NRG3: variants seen among roughly 807,000 people sequenced by gnomAD.
NRG3 encodes pro-neuregulin-3, membrane-bound isoform.
NRG3 carries 31 observed loss-of-function variants against 66.9 expected under a neutral mutation model. That is an observed-to-expected ratio of 0.46 (90% confidence interval 0.35 to 0.63). NRG3 has a LOEUF of 0.63. NRG3 is among the 20% of genes least tolerant of loss of function. The pLI, the probability that NRG3 is intolerant of heterozygous loss-of-function variation, is 0.00. For synonymous variants in NRG3, 393 were observed against 359.4 expected (o/e 1.09, Z -1.06); for missense variants, 910 against 878.9 (o/e 1.04, Z -0.45).
chr10:82,135,147 GA>G (rs974155511), intron 1 of NRG3, among the ~76,000 whole-genome samples: 54 of 150,868 alleles, frequency 3.6e-4, no homozygotes, highest in African/African-American at 1.2e-3. Flanking sequence ...AATTCCATAT[GA>G]AATTAAAAAT....
intron 2 of NRG3, among the ~76,000 whole-genome samples, chr10:82,439,319 T>C (rs2090313489): frequency 6.6e-6 from 1 of 152,150 alleles, no homozygotes; most frequent in African/African-American, 2.4e-5. Flanking sequence ...GAGCACAGGA[T>C]ATTCTCTGTT....
chr10:81,910,019 A>G (rs531949605), intron 1 of NRG3, among the ~76,000 whole-genome samples: 1 of 152,320 alleles, frequency 6.6e-6, no homozygotes, highest in South Asian at 2.1e-4. Context: ...TTGCACACTA[A>G]AAAAGCCCCT....
chr10:82,185,965 G>A (rs2073778563), intron 1 of NRG3, among the ~76,000 whole-genome samples: 2 of 152,088 alleles, frequency 1.3e-5, no homozygotes, highest in South Asian at 2.1e-4. Context: ...GAATAGGTAC[G>A]TTTCCTCACA....
chr10:82,733,881 A>G (rs1483427597), intron 2 of NRG3, among the ~76,000 whole-genome samples: 1 of 152,248 alleles, frequency 6.6e-6, no homozygotes, highest in Non-Finnish European at 1.5e-5. Context: ...GCTGAAAGAC[A>G]CTGGCAGATG....
intron 2 of NRG3, among the ~76,000 whole-genome samples, chr10:82,660,554 AG>A (rs1191842090): frequency 1.3e-5 from 2 of 152,220 alleles, no homozygotes; most frequent in African/African-American, 4.8e-5. Context: ...GCTAATAGCC[AG>A]ATAATTGCAG....
rs373875622 is a variant in NRG3 at position 82,231,059 on chromosome 10, T to C, written c.824-127680T>C. Among the ~76,000 whole-genome samples, 167 of 152,224 alleles carry C rather than the reference T, an allele frequency of 1.1e-3. 1 individual carries two copies. The highest frequency in any genetic ancestry group is 3.4e-3 in the Middle Eastern group (1 of 294). On this transcript the variant is annotated intron_variant, in intron 1 of 8. Transcript: ENST00000372141. ...GAAATGTAGGATTATAAATATTATATTGGCCAGGCACAGTGGCTCATGCCT... is the reference window on the plus strand; with the variant it reads ...GAAATGTAGGATTATAAATATTATACTGGCCAGGCACAGTGGCTCATGCCT...
rs73307834 is a variant in NRG3, at chr10:82,490,323, G to T, written c.953+131455G>T. On this transcript the variant is annotated intron_variant, in intron 2 of 8. Coordinates refer to ENST00000372141, the MANE Select transcript of NRG3 (RefSeq NM_001010848.4). ...TCTCATGCTCATACAGAAGTCATCC[G>T]GATCCCATACTGCTCAATCGATGAC... Among the ~76,000 whole-genome samples the T allele has an allele frequency of 4.4e-3, 666 of 152,140 alleles. 5 individuals are homozygous for T. The highest frequency in any genetic ancestry group is 0.015 in the African/African-American group (643 of 41,534).
chr10:82,204,451 T>C (rs2075013988), intron 1 of NRG3, among the ~76,000 whole-genome samples: 1 of 152,202 alleles, frequency 6.6e-6, no homozygotes, highest in South Asian at 2.1e-4. Flanking sequence ...GGACAACCAC[T>C]GTATATGACT....
chr10:82,289,713 G>A (rs76234563), intron 1 of NRG3, among the ~76,000 whole-genome samples: 2,148 of 152,252 alleles, frequency 0.014, 38 homozygotes, highest in South Asian at 0.05. Context: ...ATGTGGGAAT[G>A]CCAAATGAAA....
chr10:82,730,058 T>A (rs1323684015), intron 2 of NRG3, among the ~76,000 whole-genome samples: 1 of 151,496 alleles, frequency 6.6e-6, no homozygotes, highest in East Asian at 1.9e-4. Flanking sequence ...AAAGGGAAAA[T>A]CCCTACATTT....
rs890128157 is a variant in NRG3, at chr10:82,659,338, A to AT, written c.954-79230dup. 9.8e-4 allele frequency among the ~76,000 whole-genome samples: 149 copies of AT among 151,908 alleles called. 3 individuals carry two copies. The highest frequency in any genetic ancestry group is 7.0e-3 in the Admixed American group (107 of 15,238). On this transcript the variant is annotated intron_variant, in intron 2 of 8. Coordinates refer to ENST00000372141, the MANE Select transcript of NRG3 (RefSeq NM_001010848.4). ...TTATAGTAGTATAGCTGTCTCTGCA[A>AT]TTTTTTTTTAAACTTTTACACACAT...
intron 1 of NRG3, among the ~76,000 whole-genome samples, chr10:81,955,248 A>G (rs561223117): frequency 2.6e-5 from 4 of 151,272 alleles, no homozygotes; most frequent in East Asian, 1.9e-4. Context: ...TGTTCAAGCA[A>G]TTGTGGAAGC....
chr10:82,550,105 C>G (rs1343524676), intron 2 of NRG3, among the ~76,000 whole-genome samples: 2 of 152,160 alleles, frequency 1.3e-5, no homozygotes, highest in African/African-American at 4.8e-5. Context: ...TGTGAGTTTC[C>G]TCTAGTTCAA....
chr10:82,474,951 G>C (rs991431325), intron 2 of NRG3, among the ~76,000 whole-genome samples: 1 of 151,692 alleles, frequency 6.6e-6, no homozygotes. Context: ...AGGCCAGAGG[G>C]CAGCGGGATG....
chr10:82,011,288 G>T (rs1221004489), intron 1 of NRG3, among the ~76,000 whole-genome samples: 3 of 152,146 alleles, frequency 2.0e-5, no homozygotes, highest in Non-Finnish European at 4.4e-5. Context: ...CACATCTCAT[G>T]AGACTTATTC....
chr10:82,726,071 G>A lies in NRG3; in HGVS notation c.954-12506G>A, dbSNP rs530356143. 7.2e-5 allele frequency among the ~76,000 whole-genome samples: 11 copies of A among 152,240 alleles called. No homozygotes were observed. In the East Asian group the frequency reaches 2.1e-3, roughly 30 times the overall value. ...CTCTTAGGTGAGGACTCAGCAAGAA[G>A]GTGGGGTCTGCAACCCAAGGAGAGA... On this transcript the variant is annotated intron_variant, in intron 2 of 8. Coordinates refer to ENST00000372141, the MANE Select transcript of NRG3 (RefSeq NM_001010848.4).
Position 82,206,573 on chromosome 10 carries a change from T to A in NRG3, c.824-152166T>A, listed in dbSNP as rs185261511. ...TTCTAATCTCCCCCCAATGCCAGTG[T>A]TATGTGTGTGAACCACCCTTGAAAA... is the stretch of plus-strand genomic sequence containing the variant. On this transcript the variant is annotated intron_variant, in intron 1 of 8. Transcript: ENST00000372141. Among the ~76,000 whole-genome samples, 15 of 152,258 alleles carry A rather than the reference T, an allele frequency of 9.9e-5. No individual in the cohort carries two copies. The East Asian group carries it at 2.9e-3, about 30-fold the overall frequency.
At chr10:82,591,364 C>T (rs533009331) in intron 2 of NRG3, among the ~76,000 whole-genome samples, 12 of 152,224 alleles carry the variant, frequency 7.9e-5, no homozygotes, top group South Asian at 2.1e-4. Flanking sequence ...TGCAACTGTG[C>T]GGTTTAAGTG....
At chr10:82,738,459 T>TA in intron 2 of NRG3, 118 bp from the exon 3 acceptor site, 1 of 797,314 alleles carries the variant, frequency 1.3e-6, no homozygotes, top group Non-Finnish European at 2.1e-6. Flanking sequence ...AATCAAAAAA[T>TA]ATGAAAGCAT....
Sources: allele counts gnomAD v4.1 joint callset (sites outside exome capture counted in the v4.1 genomes callset), GRCh38; gene constraint gnomAD v4.1.1; transcripts MANE v1.5; gene names NCBI Gene and HGNC (gene_info 2026-07-23, HGNC 2026-07-21).